SDK2: variants seen among roughly 807,000 people sequenced by gnomAD.
SDK2 encodes sidekick cell adhesion molecule 2, also known as protein sidekick-2.
In SDK2, 105 loss-of-function variants were observed where a neutral mutation model predicts 253.9. The observed-to-expected ratio is 0.41, with a 90% CI of 0.35 to 0.49. The LOEUF is 0.49. SDK2 is among the 20% of genes least tolerant of loss of function. SDK2 has a pLI of 0.06. For synonymous variants in SDK2, 1,249 were observed against 1,234.9 expected (o/e 1.01, Z -0.24); for missense variants, 2,608 against 3,003.0 (o/e 0.87, Z 3.07).
At chr17:73,368,340 A>T (rs2062703465) in intron 37 of SDK2, 67 bp downstream of exon 37, 4 of 1,319,566 alleles carry the variant, frequency 3.0e-6, no homozygotes, top group Non-Finnish European at 3.9e-6. Flanking sequence ...CCCGGATGCC[A>T]GGTAGGTCCT....
In SDK2 at chr17:73,352,493, C is replaced by A; in HGVS notation, c.5738G>T (p.Ser1913Ile). The change falls in exon 41 of 45, where the codon AGC (serine) becomes ATC (isoleucine). Residue 1913 changes from serine to isoleucine, a missense_variant. Ser to Ile is a moderately radical substitution (Grantham distance 142). Transcript: ENST00000392650. This position sits in a 1 kb window ranked among gnomAD's most constrained non-coding sequence, Gnocchi z 4.1. ...GGTACCTGGCACAGACTGGGAGGGGCTGCTGGGGGTGCCGAAACCATAGTC... is the reference window on the plus strand; with the variant it reads ...GGTACCTGGCACAGACTGGGAGGGGATGCTGGGGGTGCCGAAACCATAGTC... ...VNDYGFGTPS[S>I]PSQSVPAQKA... 6.2e-7 allele frequency: 1 copy of A among 1,613,454 alleles called. No homozygotes were observed. The highest frequency in any genetic ancestry group is 1.1e-5 in the South Asian group (1 of 90,922).
At chr17:73,423,723 T>A (rs1004834428) in intron 13 of SDK2, among the ~76,000 whole-genome samples, 193 bp downstream of exon 13, 5 of 152,184 alleles carry the variant, frequency 3.3e-5, no homozygotes, top group Non-Finnish European at 7.3e-5. Context: ...CACACCCCCC[T>A]GCTCTTGACG....
At chr17:73,630,733 C>T (rs933760062) in intron 1 of SDK2, among the ~76,000 whole-genome samples, 4 of 152,152 alleles carry the variant, frequency 2.6e-5, no homozygotes, top group African/African-American at 7.2e-5. Context: ...AGACAATGGG[C>T]CTTGTGTTCG....
At chr17:73,474,830 G>A (rs980853409) in intron 2 of SDK2, among the ~76,000 whole-genome samples, 1 of 152,158 alleles carries the variant, frequency 6.6e-6, no homozygotes, top group Non-Finnish European at 1.5e-5. Flanking sequence ...TTTGGAAATG[G>A]AATCAGATAT....
intron 1 of SDK2, among the ~76,000 whole-genome samples, chr17:73,605,747 T>C (rs1032948113): frequency 6.6e-6 from 1 of 152,038 alleles, no homozygotes; most frequent in Non-Finnish European, 1.5e-5. Flanking sequence ...TCACTAACTA[T>C]GAGCATGTGC....
chr17:73,571,783 C>T (rs1378417769), intron 1 of SDK2, among the ~76,000 whole-genome samples: 1 of 152,128 alleles, frequency 6.6e-6, no homozygotes, highest in Non-Finnish European at 1.5e-5. Flanking sequence ...CCTCCCCTGC[C>T]CTCTCTGACC....
intron 1 of SDK2, among the ~76,000 whole-genome samples, chr17:73,620,618 G>C (rs1038028968): frequency 2.0e-5 from 3 of 152,166 alleles, no homozygotes; most frequent in African/African-American, 7.2e-5. Flanking sequence ...GGGGGAAATG[G>C]CACAAAAGTC....
intron 36 of SDK2, among the ~76,000 whole-genome samples, chr17:73,375,541 C>T (rs2062770920): frequency 6.6e-6 from 1 of 152,128 alleles, no homozygotes; most frequent in South Asian, 2.1e-4. Flanking sequence ...GCCACTGAGC[C>T]CAGCCCTTAA....
At chr17:73,592,028 G>A (rs1315304408) in intron 1 of SDK2, among the ~76,000 whole-genome samples, 1 of 152,222 alleles carries the variant, frequency 6.6e-6, no homozygotes, top group African/African-American at 2.4e-5. Flanking sequence ...CCACATGAGG[G>A]GGGAGTTGAT....
At chr17:73,567,226 C>T (rs924543302) in intron 1 of SDK2, among the ~76,000 whole-genome samples, 2 of 152,368 alleles carry the variant, frequency 1.3e-5, no homozygotes, top group East Asian at 3.9e-4. Flanking sequence ...CAAAGAACCC[C>T]AGGTACCATT....
At chr17:73,369,271 A>T in intron 36 of SDK2, 1 of 395,344 alleles carries the variant, frequency 2.5e-6, no homozygotes, top group Middle Eastern at 6.0e-4. Context: ...ATCCAGACAG[A>T]GTGTGGTGCA....
chr17:73,552,048 C>T (rs550362873), intron 1 of SDK2, among the ~76,000 whole-genome samples: 84 of 152,272 alleles, frequency 5.5e-4, no homozygotes, highest in African/African-American at 1.9e-3. Flanking sequence ...CAGGCAGGTG[C>T]CGCTGCAGTC....
At chr17:73,547,640 G>T (rs2044986658) in intron 1 of SDK2, among the ~76,000 whole-genome samples, 1 of 152,182 alleles carries the variant, frequency 6.6e-6, no homozygotes. Flanking sequence ...ATGTTCAGAA[G>T]GTCCTCAATG....
At chr17:73,540,010 A>G (rs1288766058) in intron 1 of SDK2, among the ~76,000 whole-genome samples, 1 of 141,470 alleles carries the variant, frequency 7.1e-6, no homozygotes, top group Non-Finnish European at 1.5e-5. Flanking sequence ...AGCCCCCACC[A>G]GAGACGGGGT....
intron 1 of SDK2, among the ~76,000 whole-genome samples, chr17:73,554,520 A>G (rs1040742307): frequency 6.6e-6 from 1 of 152,226 alleles, no homozygotes; most frequent in Non-Finnish European, 1.5e-5. Context: ...GGCCATCTAC[A>G]TGCCAAGGAC....
chr17:73,553,101 G>A (rs1316061312), intron 1 of SDK2, among the ~76,000 whole-genome samples: 2 of 152,224 alleles, frequency 1.3e-5, no homozygotes, highest in Non-Finnish European at 1.5e-5. Flanking sequence ...TGTGGGGGCT[G>A]GGAGGGAAGG....
In SDK2 at chr17:73,348,679, C is replaced by T; in HGVS notation, c.6085G>A (p.Asp2029Asn). 1 of 1,612,094 alleles carries T rather than the reference C, an allele frequency of 6.2e-7. No individual in the cohort carries two copies. The highest frequency in any genetic ancestry group is 8.5e-7 in the Non-Finnish European group (1 of 1,179,798). ...SPGSLHYSDE[D>N]VTKYNDLIPA... ...ATGAGGTCGTTGTATTTGGTGACAT[C>T]CTCATCCGAGTAGTGCAGGCTGCCT... The change falls in exon 44 of 45, where the codon GAT becomes AAT. Residue 2029 changes from aspartate to asparagine, a missense_variant. This residue lies in a region of SDK2 where 1,103 missense variants were observed against 1,143.9 expected (regional missense o/e 0.96). Transcript: ENST00000392650.
At chr17:73,602,356 C>T (rs1315746662) in intron 1 of SDK2, among the ~76,000 whole-genome samples, 1 of 152,176 alleles carries the variant, frequency 6.6e-6, no homozygotes, top group Non-Finnish European at 1.5e-5. Context: ...GGAGCCTCTT[C>T]CTCCATGGCA....
rs2045330313 is a variant in SDK2, at chr17:73,567,667, C to G, written c.65-60070G>C. Reference sequence around the variant, plus strand: ...CTGCCCAGGCCTTGGGAGCCCAACCCTCACACCAGTGTGCCCAGGATGTGG... The same window carrying G: ...CTGCCCAGGCCTTGGGAGCCCAACCGTCACACCAGTGTGCCCAGGATGTGG... On this transcript the variant is annotated intron_variant, in intron 1 of 44. Transcript: ENST00000392650. Among the ~76,000 whole-genome samples the G allele has an allele frequency of 2.0e-5, 3 of 152,388 alleles. No individual in the cohort carries two copies. In the South Asian group the frequency reaches 6.2e-4, roughly 32 times the overall value.
Sources: gnomAD v4.1 joint callset for allele counts (sites outside exome capture counted in the v4.1 genomes callset) on GRCh38, gnomAD v4.1.1 for gene constraint, gnomAD v4.1.1 regional missense constraint, Gnocchi (gnomAD v3.1) non-coding constraint, MANE v1.5 for transcripts, NCBI Gene and HGNC (gene_info 2026-07-23, HGNC 2026-07-21) for gene names.